The following CSMD1 variants were observed in gnomAD, a reference collection of about 807,000 sequenced individuals.
CSMD1 encodes CUB and Sushi multiple domains 1, also known as CUB and sushi domain-containing protein 1.
CSMD1 carries 213 observed loss-of-function variants against 417.5 expected under a neutral mutation model. The observed-to-expected ratio is 0.51, with a 90% CI of 0.46 to 0.57. CSMD1 has a LOEUF of 0.57. CSMD1 is among the 20% of genes least tolerant of loss of function. CSMD1 has a pLI of 0.00. For missense variants in CSMD1, 6,923 were observed against 4,529.7 expected, an observed-to-expected ratio of 1.53 and a Z score of -15.17; for synonymous variants, 2,862 against 1,736.8, an observed-to-expected ratio of 1.65 and a Z score of -16.11.
At chr8:3,441,696 T>G (rs57968223) in intron 12 of CSMD1, among the ~76,000 whole-genome samples, 1 of 151,982 alleles carries the variant, frequency 6.6e-6, no homozygotes, top group Admixed American at 6.6e-5. Context: ...TAAATAAACC[T>G]ACTGTGCTGC....
intron 7 of CSMD1, among the ~76,000 whole-genome samples, chr8:3,689,798 C>A (rs1166641340): frequency 1.3e-5 from 2 of 152,158 alleles, no homozygotes; most frequent in Non-Finnish European, 1.5e-5. Context: ...AAGTTACAGT[C>A]TATTCATTGG....
intron 36 of CSMD1, among the ~76,000 whole-genome samples, chr8:3,181,899 A>G (rs1327731995): frequency 6.6e-6 from 1 of 152,226 alleles, no homozygotes; most frequent in Non-Finnish European, 1.5e-5. Flanking sequence ...GGAAAAGAAA[A>G]TCGTTCATCA....
chr8:4,829,637 G>T (rs954572523), intron 1 of CSMD1, among the ~76,000 whole-genome samples: 17 of 151,752 alleles, frequency 1.1e-4, no homozygotes, highest in Non-Finnish European at 2.5e-4. Context: ...GTACTCAGGA[G>T]GCTGAGGAGG....
At chr8:4,611,423 C>T (rs958624794) in intron 2 of CSMD1, among the ~76,000 whole-genome samples, 4 of 152,308 alleles carry the variant, frequency 2.6e-5, no homozygotes, top group African/African-American at 9.6e-5. Context: ...ATGTTTTAAA[C>T]TCCACTGCCA....
At chr8:3,854,350 C>G (rs995919306) in intron 5 of CSMD1, among the ~76,000 whole-genome samples, 1 of 149,126 alleles carries the variant, frequency 6.7e-6, no homozygotes, top group African/African-American at 2.4e-5. Flanking sequence ...CAGATAAATT[C>G]TTTTCCTTTT....
intron 25 of CSMD1, 135 bp downstream of exon 25, chr8:3,307,560 T>G: frequency 9.4e-7 from 1 of 1,068,370 alleles, no homozygotes. Flanking sequence ...AACAAAACTT[T>G]TAGCTACAGC....
chr8:3,344,652 A>G (rs1252479002), intron 22 of CSMD1, among the ~76,000 whole-genome samples: 2 of 152,152 alleles, frequency 1.3e-5, no homozygotes, highest in Non-Finnish European at 2.9e-5. Context: ...AAATAAAATT[A>G]AACAGAGTCT....
At chr8:4,595,952 C>G (rs1369470352) in intron 2 of CSMD1, among the ~76,000 whole-genome samples, 1 of 152,068 alleles carries the variant, frequency 6.6e-6, no homozygotes, top group Admixed American at 6.6e-5. Context: ...ACTATATGAA[C>G]TGTACCACTT....
chr8:4,882,156 C>T (rs540697089), intron 1 of CSMD1, among the ~76,000 whole-genome samples: 50 of 152,122 alleles, frequency 3.3e-4, no homozygotes, highest in Admixed American at 2.4e-3. Context: ...GTTACAAGTG[C>T]TGGAAATCCC....
At chr8:3,191,698 C>T (rs1365460656) in intron 33 of CSMD1, among the ~76,000 whole-genome samples, 2 of 152,094 alleles carry the variant, frequency 1.3e-5, no homozygotes, top group African/African-American at 2.4e-5. Flanking sequence ...GGAGATATTC[C>T]TGTTTATCAA....
intron 12 of CSMD1, among the ~76,000 whole-genome samples, chr8:3,452,141 G>C (rs924880926): frequency 2.0e-5 from 3 of 152,206 alleles, no homozygotes; most frequent in African/African-American, 7.2e-5. Flanking sequence ...TTATAAGAAT[G>C]CTTGTGATTT....
chr8:4,098,427 A>G (rs566043990), intron 3 of CSMD1, among the ~76,000 whole-genome samples: 4 of 152,096 alleles, frequency 2.6e-5, no homozygotes, highest in African/African-American at 9.7e-5. Flanking sequence ...GTCATGTTAC[A>G]TAATATGTGC....
intron 5 of CSMD1, among the ~76,000 whole-genome samples, chr8:3,971,829 T>G (rs1563269405): frequency 6.6e-6 from 1 of 152,208 alleles, no homozygotes; most frequent in Non-Finnish European, 1.5e-5. Flanking sequence ...GTTGCATGAA[T>G]TATTTGAAAT....
At chr8:3,969,940 C>T (rs1812964615) in intron 5 of CSMD1, among the ~76,000 whole-genome samples, 2 of 152,258 alleles carry the variant, frequency 1.3e-5, no homozygotes, top group Middle Eastern at 3.4e-3. Context: ...TTTATTTAAA[C>T]AACCTCTCCC....
At chr8:3,797,065 A>T (rs1009485490) in intron 5 of CSMD1, among the ~76,000 whole-genome samples, 1 of 151,912 alleles carries the variant, frequency 6.6e-6, no homozygotes, top group African/African-American at 2.4e-5. Flanking sequence ...GCAATGTATC[A>T]CTTATTAAGA....
At chr8:3,477,597 G>C (rs2117227027) in intron 11 of CSMD1, among the ~76,000 whole-genome samples, 1 of 152,332 alleles carries the variant, frequency 6.6e-6, no homozygotes, top group South Asian at 2.1e-4. Flanking sequence ...ATGAGTTTCA[G>C]ACATGTGTTG....
chr8:3,298,803 A>G (rs1156427642), intron 25 of CSMD1, among the ~76,000 whole-genome samples: 1 of 152,174 alleles, frequency 6.6e-6, no homozygotes, highest in African/African-American at 2.4e-5. Flanking sequence ...CTGAAGTCTT[A>G]ATAGTGATTG....
intron 2 of CSMD1, among the ~76,000 whole-genome samples, chr8:4,486,692 A>G (rs2130177191): frequency 6.6e-6 from 1 of 152,178 alleles, no homozygotes; most frequent in African/African-American, 2.4e-5. Context: ...GAATTAAGCA[A>G]AAGTGAAATA....
intron 25 of CSMD1, among the ~76,000 whole-genome samples, chr8:3,303,142 T>C (rs1804545407): frequency 1.3e-5 from 2 of 152,200 alleles, no homozygotes; most frequent in South Asian, 2.1e-4. Flanking sequence ...AATGGAGAAA[T>C]TGGACATGCT....
Sources: gnomAD v4.1 joint callset for allele counts (sites outside exome capture counted in the v4.1 genomes callset) on GRCh38, gnomAD v4.1.1 for gene constraint, MANE v1.5 for transcripts, NCBI Gene and HGNC (gene_info 2026-07-23, HGNC 2026-07-21) for gene names.